TTC27: variants seen among roughly 807,000 people sequenced by gnomAD.
TTC27 encodes tetratricopeptide repeat protein 27.
TTC27 carries 79 observed loss-of-function variants against 115.9 expected under a neutral mutation model. The observed-to-expected ratio is 0.68, with a 90% CI of 0.57 to 0.82. TTC27 has a LOEUF of 0.82. TTC27 is among the 40% of genes least tolerant of loss of function. The probability of loss-of-function intolerance (pLI) is 0.00; values close to 1 mark genes in which losing one functional copy is unlikely to be tolerated. For missense variants in TTC27, 1,054 were observed against 993.1 expected, an observed-to-expected ratio of 1.06 and a Z score of -0.82; for synonymous variants, 401 against 356.0, an observed-to-expected ratio of 1.13 and a Z score of -1.42.
chr2:32,690,197 TC>T (rs1244677115), intron 9 of TTC27, among the ~76,000 whole-genome samples: 7 of 152,230 alleles, frequency 4.6e-5, no homozygotes, highest in Non-Finnish European at 8.8e-5. Flanking sequence ...CAGAGGTTTT[TC>T]TTTTTTGAAG....
intron 12 of TTC27, among the ~76,000 whole-genome samples, chr2:32,752,059 A>G (rs1343472081): frequency 6.6e-6 from 1 of 152,232 alleles, no homozygotes; most frequent in Non-Finnish European, 1.5e-5. Flanking sequence ...CACTGTGGCC[A>G]TGCTGATTGC....
Position 32,778,050 on chromosome 2 carries a change from G to A in TTC27, c.1779+70G>A, listed in dbSNP as rs921084390. ...TAAGTTGTTGAAATTGTACTGTATG[G>A]TTCAGAACAGCAATTCCTTTTGTGT... On this transcript the variant is annotated intron_variant, in intron 14 of 19. Transcript: ENST00000317907. 66 of 1,428,034 alleles carry A rather than the reference G, an allele frequency of 4.6e-5. No homozygotes were observed. The African/African-American group carries it at 8.7e-4, about 19-fold the overall frequency. 88.5% of individuals were successfully genotyped at this position (1,428,034 alleles called of 1,614,324 possible). A position where few individuals can be genotyped will look rare whatever the true frequency, so the allele number is the denominator to read the frequency against.
intron 12 of TTC27, among the ~76,000 whole-genome samples, chr2:32,746,193 G>GT (rs940004922): frequency 6.6e-5 from 10 of 151,778 alleles, no homozygotes; most frequent in East Asian, 3.9e-4. Context: ...ATTTAAATAT[G>GT]TTTTTTTTGT....
chr2:32,650,379 T>TTG, intron 5 of TTC27, 146 bp downstream of exon 5: 1 of 528,878 alleles, frequency 1.9e-6, no homozygotes, highest in Non-Finnish European at 3.3e-6. Context: ...TTTTTTGGTG[T>TTG]AGAATATCAC....
intron 10 of TTC27, among the ~76,000 whole-genome samples, chr2:32,715,543 G>C (rs1368263124): frequency 6.6e-6 from 1 of 152,140 alleles, no homozygotes; most frequent in African/African-American, 2.4e-5. Flanking sequence ...TCTCGATACT[G>C]TGTAGTTGCA....
At chr2:32,723,881 C>T (rs1383194616) in intron 10 of TTC27, among the ~76,000 whole-genome samples, 2 of 150,846 alleles carry the variant, frequency 1.3e-5, no homozygotes, top group Admixed American at 6.6e-5. Flanking sequence ...CTCACTGCAT[C>T]CTCAACCTCC....
Position 32,816,914 on chromosome 2 carries a change from G to T in TTC27, c.2309-543G>T, listed in dbSNP as rs1671518417. Reference sequence around the variant, plus strand: ...TGCTGCATCTGTTTTTGTCTGTGTGGGTACTTTGTTTTCAATAATATTTTG... The same window carrying T: ...TGCTGCATCTGTTTTTGTCTGTGTGTGTACTTTGTTTTCAATAATATTTTG... On this transcript the variant is annotated intron_variant, in intron 18 of 19. Coordinates refer to ENST00000317907, the MANE Select transcript of TTC27 (RefSeq NM_017735.5). Among the ~76,000 whole-genome samples, 3 of 152,074 alleles carry T rather than the reference G, an allele frequency of 2.0e-5. No individual in the cohort carries two copies. The South Asian group carries it at 6.2e-4, about 32-fold the overall frequency.
chr2:32,755,175 C>T (rs950205252), intron 12 of TTC27, among the ~76,000 whole-genome samples: 8 of 152,006 alleles, frequency 5.3e-5, no homozygotes, highest in Non-Finnish European at 7.4e-5. Flanking sequence ...ACTTCCCAGA[C>T]GGGGTGGCGG....
chr2:32,681,680 G>A (rs1054002619), intron 9 of TTC27, among the ~76,000 whole-genome samples: 3 of 145,364 alleles, frequency 2.1e-5, no homozygotes, highest in Non-Finnish European at 4.5e-5. Context: ...AATAGGCTCA[G>A]TGTTAGATGA....
intron 6 of TTC27, 57 bp from the exon 7 acceptor site, chr2:32,666,578 G>A: frequency 1.3e-6 from 2 of 1,573,718 alleles, no homozygotes; most frequent in East Asian, 2.2e-5. Flanking sequence ...TACTCTTCAT[G>A]ACTGTACAGT....
At position 32,670,568 on chromosome 2, in the gene TTC27, C is replaced by T. The variant is rs576496202; in HGVS notation, c.940-1704C>T. On this transcript the variant is annotated intron_variant, in intron 7 of 19. Coordinates refer to ENST00000317907, the MANE Select transcript of TTC27 (RefSeq NM_017735.5). ...TAGCAGGTATTACTAATAAACCTGC[C>T]TAGAAAATATGTATGTAAGTCTTTG... Among the ~76,000 whole-genome samples, 3 of 151,914 alleles carry T rather than the reference C, an allele frequency of 2.0e-5. No individual in the cohort carries two copies. In the East Asian group the frequency reaches 5.8e-4, roughly 29 times the overall value.
intron 16 of TTC27, among the ~76,000 whole-genome samples, chr2:32,788,893 C>T (rs756721196): frequency 6.6e-6 from 1 of 152,122 alleles, no homozygotes; most frequent in Admixed American, 6.5e-5. Flanking sequence ...GCACATAGAG[C>T]AGGTCAAAGT....
intron 7 of TTC27, among the ~76,000 whole-genome samples, chr2:32,670,524 T>C (rs932000612): frequency 6.6e-6 from 1 of 152,206 alleles, no homozygotes; most frequent in Non-Finnish European, 1.5e-5. Flanking sequence ...GAACTGTTGG[T>C]GGACATTTAA....
At chr2:32,745,101 T>C (rs1424384194) in intron 12 of TTC27, among the ~76,000 whole-genome samples, 1 of 144,274 alleles carries the variant, frequency 6.9e-6, no homozygotes, top group Non-Finnish European at 1.5e-5. Context: ...TCCTCACAGA[T>C]CTTCTTGTAG....
chr2:32,701,185 T>C (rs1015182894), intron 9 of TTC27, among the ~76,000 whole-genome samples: 6 of 152,134 alleles, frequency 3.9e-5, no homozygotes, highest in African/African-American at 1.4e-4. Context: ...ATGTAGGGAG[T>C]AGGTGCTCAA....
intron 5 of TTC27, among the ~76,000 whole-genome samples, chr2:32,654,697 A>ATT (rs1202304878): frequency 8.6e-5 from 12 of 140,278 alleles, no homozygotes; most frequent in Non-Finnish European, 1.3e-4. Flanking sequence ...TACATGGCTA[A>ATT]TTTTTTTTTT....
intron 9 of TTC27, among the ~76,000 whole-genome samples, chr2:32,689,160 A>T (rs960000337): frequency 6.6e-6 from 1 of 152,144 alleles, no homozygotes; most frequent in Admixed American, 6.5e-5. Flanking sequence ...CATTGTAATG[A>T]CAGAAAGTAG....
chr2:32,787,277 T>A, intron 16 of TTC27, 128 bp downstream of exon 16: 1 of 1,003,146 alleles, frequency 1.0e-6, no homozygotes, highest in Non-Finnish European at 1.4e-6. Context: ...GAAAAGGGTA[T>A]TTTTTTCTAG....
intron 10 of TTC27, among the ~76,000 whole-genome samples, chr2:32,729,611 C>A (rs1355260178): frequency 6.6e-6 from 1 of 152,118 alleles, no homozygotes; most frequent in Non-Finnish European, 1.5e-5. Flanking sequence ...AACTTGAAAA[C>A]AGTCTCATAT....
Sources: allele counts gnomAD v4.1 joint callset (sites outside exome capture counted in the v4.1 genomes callset), GRCh38; gene constraint gnomAD v4.1.1; transcripts MANE v1.5; gene names NCBI Gene and HGNC (gene_info 2026-07-23, HGNC 2026-07-21).